Variants in GRIN2B observed in about 807,000 individuals in gnomAD.
The protein encoded by GRIN2B is glutamate receptor ionotropic, NMDA 2B.
Under a neutral mutation model 114.5 loss-of-function variants are expected in GRIN2B, and 5 were observed. The ratio of observed to expected loss-of-function variants is 0.04; its 90% confidence interval spans 0.02 to 0.09. The LOEUF (loss-of-function observed/expected upper bound fraction) is 0.09, where lower values mean the gene tolerates loss of function less well. Among genes scored for constraint, GRIN2B ranks in the 10% least tolerant of loss-of-function variants. GRIN2B has a pLI of 1.00. For synonymous variants in GRIN2B, 787 were observed against 745.1 expected (o/e 1.06, Z -0.92); for missense variants, 1,108 against 1,943.5 (o/e 0.57, Z 8.08).
intron 5 of GRIN2B, among the ~76,000 whole-genome samples, chr12:13,673,836 C>A (rs1950045484): frequency 6.6e-6 from 1 of 151,848 alleles, no homozygotes; most frequent in South Asian, 2.1e-4. Flanking sequence ...AGAAAGCTGC[C>A]CCCTCTGTAC....
chr12:13,727,936 T>A (rs1863020215), intron 4 of GRIN2B, among the ~76,000 whole-genome samples: 1 of 152,192 alleles, frequency 6.6e-6, no homozygotes, highest in Non-Finnish European at 1.5e-5. Context: ...CTCCTGGGCA[T>A]GGATAGCATG....
intron 3 of GRIN2B, among the ~76,000 whole-genome samples, chr12:13,826,325 G>C (rs1422281580): frequency 6.6e-6 from 1 of 152,080 alleles, no homozygotes; most frequent in African/African-American, 2.4e-5. Context: ...ACAAAAATTA[G>C]CCAGGCATGG....
intron 4 of GRIN2B, among the ~76,000 whole-genome samples, chr12:13,698,329 T>C (rs1035572067): frequency 2.6e-5 from 4 of 152,222 alleles, no homozygotes; most frequent in African/African-American, 7.2e-5. Flanking sequence ...AGAGCCCCTA[T>C]AGAAAAGCAA....
At chr12:13,735,047 G>A (rs887365150) in intron 4 of GRIN2B, among the ~76,000 whole-genome samples, 4 of 152,252 alleles carry the variant, frequency 2.6e-5, no homozygotes, top group African/African-American at 4.8e-5. Flanking sequence ...GGTTAAGGCC[G>A]GATATTCAAA....
chr12:13,740,822 C>T (rs2136615890), intron 4 of GRIN2B, among the ~76,000 whole-genome samples: 1 of 152,240 alleles, frequency 6.6e-6, no homozygotes, highest in South Asian at 2.1e-4. Flanking sequence ...AAATAATCCT[C>T]CTTCCCATTA....
At chr12:13,596,867 A>G (rs1010226318) in intron 10 of GRIN2B, among the ~76,000 whole-genome samples, 3 of 152,218 alleles carry the variant, frequency 2.0e-5, no homozygotes, top group Non-Finnish European at 1.5e-5. Flanking sequence ...CACTCCTTTG[A>G]GAATCCAAGA....
In GRIN2B at chr12:13,742,179, T is replaced by C. The variant is rs186439236; in HGVS notation, c.1010+11138A>G. On this transcript the variant is annotated intron_variant, in intron 4 of 13. Coordinates refer to ENST00000609686, the MANE Select transcript of GRIN2B (RefSeq NM_000834.5). ...ATTTTTATGCAGGGTATATGCTTTC[T>C]GGGGCGTAGATGACATTTCTCCCCA... Among the ~76,000 whole-genome samples, 1,332 of 152,318 alleles carry C rather than the reference T, an allele frequency of 8.7e-3. 63 individuals carry two copies. Among genetic ancestry groups the C allele is most frequent in the Admixed American group, 0.081 (1,242 of 15,290 alleles).
intron 3 of GRIN2B, among the ~76,000 whole-genome samples, chr12:13,854,964 A>G (rs1242964667): frequency 6.7e-6 from 1 of 150,334 alleles, no homozygotes; most frequent in East Asian, 2.0e-4. Flanking sequence ...TAATCCCAGC[A>G]CTTTGGAAGG....
chr12:13,789,794 T>G (rs1315557906), intron 3 of GRIN2B, among the ~76,000 whole-genome samples: 2 of 152,136 alleles, frequency 1.3e-5, no homozygotes, highest in Non-Finnish European at 2.9e-5. Context: ...ACCACTGATA[T>G]CAATTGAAAT....
Position 13,866,239 on chromosome 12 carries a change from A to G in GRIN2B, c.-18-13T>C. ...ACTCGTCGACTCCCTGCAAACACAA[A>G]GAAAGAGCATGTTAAAATAGGATCT... On this transcript the variant is annotated splice_polypyrimidine_tract_variant and intron_variant, in intron 2 of 13. Transcript: ENST00000609686. The G allele has an allele frequency of 6.3e-7, 1 of 1,599,688 alleles. No individual in the cohort carries two copies. The highest frequency in any genetic ancestry group is 8.5e-7 in the Non-Finnish European group (1 of 1,178,340).
At chr12:13,617,944 C>A (rs774964833) in intron 5 of GRIN2B, among the ~76,000 whole-genome samples, 32 of 152,212 alleles carry the variant, frequency 2.1e-4, no homozygotes, top group Non-Finnish European at 2.6e-4. Flanking sequence ...CAGGCAGTGG[C>A]TTGGTGGCAT....
chr12:13,940,361 G>C lies in GRIN2B; in HGVS notation c.-19+39567C>G, dbSNP rs1039423088. On this transcript the variant is annotated intron_variant, in intron 2 of 13. Transcript: ENST00000609686. ...TCTCACCTTTAAAGAATTCCACATA[G>C]CTCAGCCTGAAGGCATTATTCCCCA... Among the ~76,000 whole-genome samples the C allele has an allele frequency of 2.6e-5, 4 of 152,154 alleles. No homozygotes were observed. In the South Asian group the frequency reaches 8.3e-4, roughly 32 times the overall value.
At chr12:13,859,628 C>G (rs776582455) in intron 3 of GRIN2B, among the ~76,000 whole-genome samples, 1 of 152,080 alleles carries the variant, frequency 6.6e-6, no homozygotes, top group Non-Finnish European at 1.5e-5. Context: ...ACTCCCTCAT[C>G]GTATGCACTG....
chr12:13,975,511 G>A (rs1863004948), intron 2 of GRIN2B, among the ~76,000 whole-genome samples: 1 of 152,220 alleles, frequency 6.6e-6, no homozygotes, highest in South Asian at 2.1e-4. Context: ...TAAATGAGAA[G>A]TTCAGAGTAG....
Position 13,553,337 on chromosome 12 carries a change from A to T in GRIN2B, c.*9446T>A, listed in dbSNP as rs533301296. On this transcript the variant is annotated 3_prime_UTR_variant, in exon 14 of 14. Coordinates refer to ENST00000609686, the MANE Select transcript of GRIN2B (RefSeq NM_000834.5). ...CAGAGAAAGGAGTAGTTTAGAGACT[A>T]GCATTCTCTCTGAGCCAGCTCATTC... 1 of 152,366 alleles carries T rather than the reference A, an allele frequency of 6.6e-6. No individual in the cohort carries two copies. Among genetic ancestry groups the T allele is most frequent in the African/African-American group, 2.4e-5 (1 of 41,596 alleles). The allele number at this position is 152,366 out of a possible 1,614,324, so 9.4% of individuals were successfully genotyped here.
chr12:13,704,614 C>T (rs946238095), intron 4 of GRIN2B, among the ~76,000 whole-genome samples: 2 of 152,122 alleles, frequency 1.3e-5, no homozygotes, highest in African/African-American at 4.8e-5. Context: ...ATCCTATTGG[C>T]ACCATCTCCA....
chr12:13,756,154 TAC>T (rs1306801697), intron 3 of GRIN2B, among the ~76,000 whole-genome samples: 1 of 152,154 alleles, frequency 6.6e-6, no homozygotes, highest in Non-Finnish European at 1.5e-5. Flanking sequence ...TAGCTGGGAT[TAC>T]AGGCGCCCAC....
At chr12:13,825,504 G>GTGTGTGTGTA (rs1565552098) in intron 3 of GRIN2B, among the ~76,000 whole-genome samples, 1 of 125,002 alleles carries the variant, frequency 8.0e-6, no homozygotes, top group African/African-American at 2.9e-5. Flanking sequence ...TTTTGTGTGT[G>GTGTGTGTGTA]TGTGTGTGTG....
rs1357769158 is a variant in GRIN2B, at chr12:13,558,207, G to A, written c.*4576C>T. ...TTTCCTATATGGCTTTGGGCTCAGA[G>A]AGCACATAAGGTATGGCCACAGTCC... On this transcript the variant is annotated 3_prime_UTR_variant, in exon 14 of 14. Coordinates refer to ENST00000609686, the MANE Select transcript of GRIN2B (RefSeq NM_000834.5). The A allele has an allele frequency of 6.6e-6, 1 of 152,160 alleles. No individual in the cohort carries two copies. The highest frequency in any genetic ancestry group is 1.5e-5 in the Non-Finnish European group (1 of 68,028). 9.4% of individuals were successfully genotyped at this position (152,160 alleles called of 1,614,324 possible).
Sources: allele counts gnomAD v4.1 joint callset (sites outside exome capture counted in the v4.1 genomes callset), GRCh38; gene constraint gnomAD v4.1.1; transcripts MANE v1.5; gene names NCBI Gene and HGNC (gene_info 2026-07-23, HGNC 2026-07-21).